The following ERN2 variants were observed in gnomAD, a reference collection of about 807,000 sequenced individuals.
ERN2 encodes serine/threonine-protein kinase/endoribonuclease IRE2.
Under a neutral mutation model 107.9 loss-of-function variants are expected in ERN2, and 111 were observed. The ratio of observed to expected loss-of-function variants is 1.03; its 90% CI spans 0.88 to 1.20. ERN2 has a LOEUF of 1.20. Ranked by LOEUF, ERN2 falls within the 50% of genes most tolerant of loss-of-function variation. ERN2 has a pLI of 0.00. For missense variants in ERN2, 1,225 were observed against 1,197.9 expected (o/e 1.02, Z -0.33); for synonymous variants, 524 against 501.7 (o/e 1.04, Z -0.59).
At chr16:23,702,825 G>C (rs1201709190) in intron 8 of ERN2, 123 bp from the exon 9 acceptor site, 9 of 829,472 alleles carry the variant, frequency 1.1e-5, no homozygotes, top group South Asian at 3.1e-5. Context: ...CATGAGACTT[G>C]CTTTAATCAA....
chr16:23,708,715 C>G (rs964654589), intron 4 of ERN2, among the ~76,000 whole-genome samples: 1 of 152,008 alleles, frequency 6.6e-6, no homozygotes, highest in African/African-American at 2.4e-5. Context: ...GTGGGTGGCA[C>G]CTCCTCCCTT....
chr16:23,708,897 T>A (rs1960430397), intron 4 of ERN2, among the ~76,000 whole-genome samples: 1 of 152,074 alleles, frequency 6.6e-6, no homozygotes, highest in Non-Finnish European at 1.5e-5. Flanking sequence ...AATTACCCAG[T>A]CTGAGGTATT....
intron 13 of ERN2, chr16:23,696,834 A>G (rs770302318): frequency 2.0e-5 from 3 of 152,090 alleles, no homozygotes; most frequent in African/African-American, 4.8e-5. Flanking sequence ...AGAACACTCT[A>G]CTTTATAAGA....
At chr16:23,695,743 A>AAC in intron 14 of ERN2, 151 bp downstream of exon 14, 5 of 599,786 alleles carry the variant, frequency 8.3e-6, no homozygotes, top group Non-Finnish European at 1.2e-5. Flanking sequence ...AAAAAAAAAA[A>AAC]AAAACAGATA....
intron 13 of ERN2, among the ~76,000 whole-genome samples, chr16:23,697,865 T>C (rs745442844): frequency 1.2e-4 from 18 of 152,102 alleles, no homozygotes; most frequent in Non-Finnish European, 2.4e-4. Flanking sequence ...CAAGCAATCC[T>C]CCTGCCTCAG....
chr16:23,705,473 TGA>T (rs10616924), intron 7 of ERN2, among the ~76,000 whole-genome samples: 102,991 of 151,284 alleles, frequency 0.68, 36,061 homozygotes, highest in African/African-American at 0.83. Flanking sequence ...ACTTACAGTG[TGA>T]GAGGGGTCAG....
intron 8 of ERN2, among the ~76,000 whole-genome samples, 189 bp downstream of exon 8, chr16:23,704,694 G>A (rs1052681456): frequency 3.3e-5 from 5 of 152,194 alleles, no homozygotes; most frequent in Admixed American, 3.3e-4. Flanking sequence ...GGGTCCCGGG[G>A]ACACTTGGAG....
At chr16:23,692,133 C>T in intron 18 of ERN2, 43 bp from the exon 19 acceptor site, 1 of 1,613,818 alleles carries the variant, frequency 6.2e-7, no homozygotes, top group Non-Finnish European at 8.5e-7. Flanking sequence ...TTCAGGCCTG[C>T]CTAGCGTCTT....
rs200891468 is a variant in ERN2 at position 23,707,088 on chromosome 16, C to T, written c.307-9G>A. The T allele has an allele frequency of 5.6e-5, 91 of 1,611,396 alleles. No individual in the cohort carries two copies. The South Asian group carries it at 5.7e-4, about 10-fold the overall frequency. On this transcript the variant is annotated splice_polypyrimidine_tract_variant and intron_variant, in intron 4 of 21. Coordinates refer to ENST00000256797, the MANE Select transcript of ERN2 (RefSeq NM_033266.4). ...ATGGTGAATGGCAGTTTCTAGGAGA[C>T]GGAAAATTTACAGGAAGGAGTAAGA...
chr16:23,705,877 G>A (rs1960283671), intron 7 of ERN2, among the ~76,000 whole-genome samples: 1 of 152,128 alleles, frequency 6.6e-6, no homozygotes, highest in South Asian at 2.1e-4. Context: ...TCACAGTACT[G>A]CACTCCAGCC....
Position 23,702,111 on chromosome 16 carries a change from G to A in ERN2, c.1203+41C>T, listed in dbSNP as rs762923949. ...CCAAGGGCTATTCCCCCCATCTGCT[G>A]GGGCCTCCCTACCCCCACTCTCTCC... On this transcript the variant is annotated intron_variant, in intron 11 of 21. Transcript: ENST00000256797. The A allele has an allele frequency of 1.0e-5, 16 of 1,587,868 alleles. No individual in the cohort carries two copies. In the Admixed American group the frequency reaches 2.0e-4, roughly 19 times the overall value.
chr16:23,712,291 AT>A (rs1960578847), intron 1 of ERN2: 1 of 156,544 alleles, frequency 6.4e-6, no homozygotes, highest in Non-Finnish European at 1.4e-5. Flanking sequence ...GTGCTTAAAA[AT>A]TTTTCAATTA....
intron 8 of ERN2, among the ~76,000 whole-genome samples, chr16:23,704,414 A>G (rs1459253246): frequency 6.6e-6 from 1 of 152,058 alleles, no homozygotes; most frequent in East Asian, 1.9e-4. Flanking sequence ...GTCTCACAAG[A>G]TCTGATGGTT....
At position 23,703,276 on chromosome 16, in the gene ERN2, C is replaced by A. The variant is rs558418718; in HGVS notation, c.855-574G>T. ...TATAAACTCATTACATCGTCCTTTA[C>A]TTCTTCCTCCTTCTTCTCCCCCACC... On this transcript the variant is annotated intron_variant, in intron 8 of 21. Transcript: ENST00000256797. 1.5e-3 allele frequency among the ~76,000 whole-genome samples: 232 copies of A among 152,242 alleles called. 2 individuals are homozygous for A. The highest frequency in any genetic ancestry group is 5.3e-3 in the African/African-American group (221 of 41,534).
At chr16:23,701,999 T>C (rs554784147) in intron 11 of ERN2, among the ~76,000 whole-genome samples, 153 bp downstream of exon 11, 1 of 152,254 alleles carries the variant, frequency 6.6e-6, no homozygotes, top group East Asian at 1.9e-4. Flanking sequence ...CAACAAGTTG[T>C]GTTGTTCCCA....
intron 13 of ERN2, among the ~76,000 whole-genome samples, 190 bp downstream of exon 13, chr16:23,700,349 G>C (rs1009391043): frequency 6.6e-6 from 1 of 152,082 alleles, no homozygotes; most frequent in Non-Finnish European, 1.5e-5. Flanking sequence ...AAAAAATAAT[G>C]ATGAAAAAAT....
At position 23,713,115 on chromosome 16, in the gene ERN2, G is replaced by C; in HGVS notation, c.73C>G (p.Leu25Val). ...CTCACCTGTGGACTCAGCGTCCCGA[G>C]CAGCAGCGCCGCGAACTGGAGCTGG... ...GLQLQFAALL[L>V]GTLSPQVHTL... is the part of the protein sequence containing the mutation. The change falls in exon 1 of 22, where the codon CTC becomes GTC. Residue 25 changes from leucine to valine, a missense_variant. Leu to Val is a conservative substitution (Grantham distance 32). Coordinates refer to ENST00000256797, the MANE Select transcript of ERN2 (RefSeq NM_033266.4). 1.3e-6 allele frequency: 2 copies of C among 1,577,194 alleles called. No homozygotes were observed. Among genetic ancestry groups the C allele is most frequent in the Non-Finnish European group, 1.7e-6 (2 of 1,167,354 alleles).
intron 8 of ERN2, among the ~76,000 whole-genome samples, chr16:23,704,435 G>C (rs1960214158): frequency 1.3e-5 from 2 of 152,126 alleles, no homozygotes; most frequent in Admixed American, 1.3e-4. Context: ...TTATAAGGGG[G>C]AGTTTCCCTG....
At chr16:23,699,197 G>A (rs1379521380) in intron 13 of ERN2, among the ~76,000 whole-genome samples, 1 of 152,180 alleles carries the variant, frequency 6.6e-6, no homozygotes, top group Non-Finnish European at 1.5e-5. Flanking sequence ...AAGGGGAGCT[G>A]TTTTCCTCTG....
Sources: gnomAD v4.1 joint callset for allele counts (sites outside exome capture counted in the v4.1 genomes callset) on GRCh38, gnomAD v4.1.1 for gene constraint, MANE v1.5 for transcripts, NCBI Gene and HGNC (gene_info 2026-07-23, HGNC 2026-07-21) for gene names.